Variants in TRIM66 observed in about 807,000 individuals in gnomAD.
TRIM66 encodes the protein tripartite motif containing 66, also known as tripartite motif-containing protein 66.
TRIM66 carries 99 observed loss-of-function variants against 148.2 expected under a neutral mutation model. The observed-to-expected ratio is 0.67, with a 90% confidence interval of 0.57 to 0.79. The LOEUF (loss-of-function observed/expected upper bound fraction) is 0.79. Among genes scored for constraint, TRIM66 ranks in the 30% least tolerant of loss-of-function variants. The pLI is 0.00. For synonymous variants in TRIM66, 616 were observed against 635.9 expected (o/e 0.97, Z 0.47); for missense variants, 1,666 against 1,697.9 (o/e 0.98, Z 0.33).
At chr11:8,643,327 A>C (rs1592110498) in intron 12 of TRIM66, among the ~76,000 whole-genome samples, 1 of 147,612 alleles carries the variant, frequency 6.8e-6, no homozygotes, top group East Asian at 2.0e-4. Flanking sequence ...AGGCTCCTGG[A>C]ACCTACATTC....
chr11:8,646,381 C>A lies in TRIM66; in HGVS notation c.957+66G>T, dbSNP rs2036848307. 1.4e-5 allele frequency: 19 copies of A among 1,341,400 alleles called. 1 individual carries two copies. Among genetic ancestry groups the A allele is most frequent in the Middle Eastern group, 1.8e-4 (1 of 5,598 alleles). The allele number at this position is 1,341,400 out of a possible 1,614,324, so 83.1% of individuals were successfully genotyped here. A position where few individuals can be genotyped will look rare whatever the true frequency, so the allele number is the denominator to read the frequency against. On this transcript the variant is annotated intron_variant, in intron 11 of 24. Coordinates refer to ENST00000646038, the MANE Select transcript of TRIM66 (RefSeq NM_001388022.1). ...ATTACAGCCTAGGCTTCCCTAGGTC[C>A]TGGGACTAGCTTGATATATGGATGG...
At chr11:8,646,642 A>T in intron 10 of TRIM66, 81 bp from the exon 11 acceptor site, 1 of 1,119,596 alleles carries the variant, frequency 8.9e-7, no homozygotes, top group African/African-American at 1.5e-5. Flanking sequence ...CATAAGAACC[A>T]ACTTGGAGGC....
chr11:8,633,861 G>T (rs1298065565), intron 15 of TRIM66, among the ~76,000 whole-genome samples: 12 of 152,086 alleles, frequency 7.9e-5, no homozygotes, highest in Non-Finnish European at 2.9e-5. Flanking sequence ...GTTTTTATAA[G>T]ACTCAAATTA....
chr11:8,682,835 G>C, upstream of TRIM66: 6 of 1,610,582 alleles, frequency 3.7e-6, no homozygotes, highest in Non-Finnish European at 5.1e-6. Flanking sequence ...TTCGTTTCTT[G>C]CCTCCTCTTC....
intron 6 of TRIM66, among the ~76,000 whole-genome samples, chr11:8,656,047 T>C (rs2037802770): frequency 6.6e-6 from 1 of 152,172 alleles, no homozygotes; most frequent in Admixed American, 6.5e-5. Flanking sequence ...CCAAAGGACA[T>C]GCACTCCCTT....
Position 8,672,308 on chromosome 11 carries a change from G to T in TRIM66, c.-34C>A. 6.5e-7 allele frequency: 1 copy of T among 1,536,090 alleles called. No homozygotes were observed. Among genetic ancestry groups the T allele is most frequent in the Non-Finnish European group, 8.7e-7 (1 of 1,146,894 alleles). ...TGGAAAACAAAGCGTGGAGGTGTCT[G>T]CTGTTTGTCTGAAGGCGAACAAACC... On this transcript the variant is annotated 5_prime_UTR_variant, in exon 5 of 25. Coordinates refer to ENST00000646038, the MANE Select transcript of TRIM66 (RefSeq NM_001388022.1).
chr11:8,622,121 G>A (rs1468325475), intron 18 of TRIM66, among the ~76,000 whole-genome samples: 1 of 151,510 alleles, frequency 6.6e-6, no homozygotes, highest in Admixed American at 6.6e-5. Context: ...CTAGCCTCCT[G>A]GCTATATCTT....
intron 6 of TRIM66, among the ~76,000 whole-genome samples, chr11:8,653,568 G>A (rs1483305578): frequency 1.3e-5 from 2 of 152,146 alleles, no homozygotes; most frequent in East Asian, 3.9e-4. Flanking sequence ...AGTGAACACA[G>A]TTATAATTAG....
intron 3 of TRIM66, chr11:8,679,190 C>T (rs1269579475): frequency 6.6e-6 from 1 of 152,246 alleles, no homozygotes; most frequent in Non-Finnish European, 1.5e-5. Context: ...GCTTTGTCTG[C>T]TCTCTCAGAC....
intron 6 of TRIM66, among the ~76,000 whole-genome samples, chr11:8,655,041 G>A (rs1041510395): frequency 1.3e-5 from 2 of 152,026 alleles, no homozygotes; most frequent in Non-Finnish European, 2.9e-5. Flanking sequence ...TGTATTTTTA[G>A]TAGAGACAGG....
Position 8,649,785 on chromosome 11 carries a change from C to G in TRIM66, c.547G>C (p.Val183Leu), listed in dbSNP as rs1354268068. The change falls in exon 8 of 25, where the codon GTC (valine) becomes CTC (leucine). Residue 183 changes from valine (V) to leucine (L), a missense_variant. Coordinates refer to ENST00000646038, the MANE Select transcript of TRIM66 (RefSeq NM_001388022.1). ...SCTEEHRHSPVPGGPFFPRAQ... is the reference protein window; with the variant it reads ...SCTEEHRHSPLPGGPFFPRAQ... ...CGAGGAAAGAATGGGCCCCCGGGGACAGGGCTGTGTCGGTGTTCCTCTGTG... is the reference window on the plus strand; with the variant it reads ...CGAGGAAAGAATGGGCCCCCGGGGAGAGGGCTGTGTCGGTGTTCCTCTGTG... 2.6e-6 allele frequency: 4 copies of G among 1,551,522 alleles called. No homozygotes were observed. Among genetic ancestry groups the G allele is most frequent in the Non-Finnish European group, 3.5e-6 (4 of 1,147,008 alleles).
chr11:8,626,217 T>A (rs771111163), intron 15 of TRIM66, among the ~76,000 whole-genome samples: 2 of 152,180 alleles, frequency 1.3e-5, no homozygotes, highest in African/African-American at 2.4e-5. Flanking sequence ...AAGTTTCATA[T>A]CCCTGCCCTT....
chr11:8,651,652 C>T, intron 7 of TRIM66, 148 bp downstream of exon 7: 1 of 747,654 alleles, frequency 1.3e-6, no homozygotes, highest in Non-Finnish European at 2.4e-6. Context: ...TTTTTATTTT[C>T]TTCTAGATGG....
At chr11:8,638,922 C>T in intron 14 of TRIM66, 107 bp from the exon 15 acceptor site, 1 of 1,202,004 alleles carries the variant, frequency 8.3e-7, no homozygotes, top group Non-Finnish European at 1.1e-6. Context: ...ATCATCACCA[C>T]TTGCACATTG....
chr11:8,647,044 TATAATAAACA>T (rs1446414976), intron 10 of TRIM66, among the ~76,000 whole-genome samples: 7 of 148,552 alleles, frequency 4.7e-5, no homozygotes, highest in African/African-American at 1.7e-4. Context: ...AAACATATTA[TATAATAAACA>T]ATAATAAACA....
intron 7 of TRIM66, among the ~76,000 whole-genome samples, chr11:8,651,199 C>T (rs1470934894): frequency 1.3e-5 from 2 of 152,074 alleles, no homozygotes; most frequent in Non-Finnish European, 1.5e-5. Context: ...CCCTAATATC[C>T]AGCACAGGGT....
intron 15 of TRIM66, among the ~76,000 whole-genome samples, chr11:8,634,951 G>T (rs1006580341): frequency 1.3e-5 from 2 of 152,206 alleles, no homozygotes; most frequent in African/African-American, 4.8e-5. Context: ...AGCACAGGCT[G>T]GGAGTGGGAT....
chr11:8,676,234 C>CT (rs75701989), intron 3 of TRIM66, among the ~76,000 whole-genome samples: 78 of 141,810 alleles, frequency 5.5e-4, no homozygotes, highest in South Asian at 9.0e-4. Context: ...AGGTAAACTT[C>CT]TTTTTTTTTT....
In TRIM66 at chr11:8,624,493, G is replaced by C; in HGVS notation, c.2885C>G (p.Pro962Arg). The change falls in exon 17 of 25, where the codon CCC becomes CGC. Residue 962 changes from proline (P) to arginine (R), a missense_variant. Coordinates refer to ENST00000646038, the MANE Select transcript of TRIM66 (RefSeq NM_001388022.1). ...CAAGTCCTTGGGAGCATCCAGACCG[G>C]GGACTATGGGACCTTGTCCCAGTAA... ...TDLLGQGPIV[P>R]GLDAPKDLAI... The C allele has an allele frequency of 6.5e-7, 1 of 1,550,114 alleles. No individual in the cohort carries two copies. The highest frequency in any genetic ancestry group is 1.2e-5 in the South Asian group (1 of 83,670).
Sources: gnomAD v4.1 joint callset for allele counts (sites outside exome capture counted in the v4.1 genomes callset) on GRCh38, gnomAD v4.1.1 for gene constraint, MANE v1.5 for transcripts, NCBI Gene and HGNC (gene_info 2026-07-23, HGNC 2026-07-21) for gene names.